Variants in IGLL5 observed in about 807,000 individuals in gnomAD.
IGLL5 encodes the protein immunoglobulin lambda-like polypeptide 5.
IGLL5 carries 30 observed loss-of-function variants against 20.9 expected under a neutral mutation model. That is an observed-to-expected ratio of 1.44 (90% CI 1.07 to 1.95). The LOEUF (loss-of-function observed/expected upper bound fraction) is 1.95, where lower values mean the gene tolerates loss of function less well. IGLL5 is among the 30% of genes most tolerant of loss of function. The pLI is 0.00. For missense variants in IGLL5, 475 were observed against 270.7 expected, an observed-to-expected ratio of 1.75 and a Z score of -5.30; for synonymous variants, 203 against 117.3, an observed-to-expected ratio of 1.73 and a Z score of -4.72.
At position 22,895,712 on chromosome 22, in the gene IGLL5, C is replaced by T. The variant is rs553574422; in HGVS notation, c.*18C>T. 11 of 1,612,166 alleles carry T rather than the reference C, an allele frequency of 6.8e-6. No homozygotes were observed. In the South Asian group the frequency reaches 7.7e-5, roughly 11 times the overall value. On this transcript the variant is annotated 3_prime_UTR_variant, in exon 3 of 3. Coordinates refer to ENST00000526893, the MANE Select transcript of IGLL5 (RefSeq NM_001178126.2). ...GTTCATAGGTTCCCAACTCTAACCCCACCCACGGGAGCCTGGAGCTGCAGG... is the reference window on the plus strand; with the variant it reads ...GTTCATAGGTTCCCAACTCTAACCCTACCCACGGGAGCCTGGAGCTGCAGG...
At position 22,888,471 on chromosome 22, in the gene IGLL5, T is replaced by C. The variant is rs190861612; in HGVS notation, c.206+212T>C. On this transcript the variant is annotated intron_variant, in intron 1 of 2. Transcript: ENST00000526893. ...ATATCATATTACGATATTATTTTTC[T>C]TGATTTCTGAGTTTTCTGGCGCCAC... is the stretch of plus-strand genomic sequence containing the variant. Among the ~76,000 whole-genome samples, 8 of 151,432 alleles carry C rather than the reference T, an allele frequency of 5.3e-5. 1 individual carries two copies. In the East Asian group the frequency reaches 6.0e-4, roughly 11 times the overall value.
chr22:22,888,627 C>G (rs552547394), intron 1 of IGLL5, among the ~76,000 whole-genome samples: 7 of 151,086 alleles, frequency 4.6e-5, no homozygotes, highest in South Asian at 2.1e-4. Context: ...CAGGCCTGTT[C>G]CTCCCCCTCC....
At chr22:22,894,086 T>G (rs184619689) in intron 2 of IGLL5, among the ~76,000 whole-genome samples, 4 of 151,398 alleles carry the variant, frequency 2.6e-5, no homozygotes, top group Middle Eastern at 3.7e-3. Context: ...CCAGGGCAGA[T>G]GTCTGAGTGA....
rs1179061877 is a variant in IGLL5 at position 22,891,375 on chromosome 22, C to A, written c.207-2325C>A. Among the ~76,000 whole-genome samples, 3 of 151,068 alleles carry A rather than the reference C, an allele frequency of 2.0e-5. No homozygotes were observed. The East Asian group carries it at 6.0e-4, about 30-fold the overall frequency. ...TACTACATTACTGATTTATTACATT[C>A]TTTCTGTGGTTCTCTTGGTTTATTG... On this transcript the variant is annotated intron_variant, in intron 1 of 2. Coordinates refer to ENST00000526893, the MANE Select transcript of IGLL5 (RefSeq NM_001178126.2).
At position 22,893,750 on chromosome 22, in the gene IGLL5, G is replaced by A. The variant is rs182236201; in HGVS notation, c.257G>A (p.Arg86Gln). Reference protein sequence around the residue: ...PQRADPRCWPRGFWSEPQSLC... With the variant: ...PQRADPRCWPQGFWSEPQSLC... Reference sequence around the variant, plus strand: ...AGAGCAGACCCCAGGTGCTGGCCCCGGGGGTTTTGGTCTGAGCCTCAGTCA... The same window carrying A: ...AGAGCAGACCCCAGGTGCTGGCCCCAGGGGTTTTGGTCTGAGCCTCAGTCA... The change falls in exon 2 of 3, where the codon CGG becomes CAG. Residue 86 changes from arginine to glutamine, a missense_variant. Arg to Gln is a conservative substitution (Grantham distance 43, BLOSUM62 1). Transcript: ENST00000526893. 285 of 1,607,046 alleles carry A rather than the reference G, an allele frequency of 1.8e-4. 1 individual carries two copies. The East Asian group carries it at 3.0e-3, about 17-fold the overall frequency.
Position 22,894,753 on chromosome 22 carries a change from G to C in IGLL5, c.326-622G>C, listed in dbSNP as rs577908137. Among the ~76,000 whole-genome samples, 11 of 151,338 alleles carry C rather than the reference G, an allele frequency of 7.3e-5. 1 individual carries two copies. The highest frequency in any genetic ancestry group is 2.0e-4 in the East Asian group (1 of 4,924). ...CTGAGGTGAAGGGTTCTGTGGTCGG[G>C]CTTGTGGAGACAGGAAACATCTCAG... On this transcript the variant is annotated intron_variant, in intron 2 of 2. Transcript: ENST00000526893.
In IGLL5 at chr22:22,888,013, G is replaced by T. The variant is rs1331166632; in HGVS notation, c.-41G>T. The T allele has an allele frequency of 2.0e-6, 3 of 1,500,304 alleles. No individual in the cohort carries two copies. The highest frequency in any genetic ancestry group is 2.0e-5 in the Admixed American group (1 of 50,752). 92.9% of individuals were successfully genotyped at this position (1,500,304 alleles called of 1,614,324 possible). On this transcript the variant is annotated 5_prime_UTR_variant, in exon 1 of 3. An upstream start codon of the reference 5' UTR is lost. Coordinates refer to ENST00000526893, the MANE Select transcript of IGLL5 (RefSeq NM_001178126.2). ...GGGCACCGTCCTCCAGGGAGCCCAT[G>T]CTGCAAGTCGGGCCAGAGGTGCCCC...
At position 22,895,900 on chromosome 22, in the gene IGLL5, T is replaced by C; in HGVS notation, c.*206T>C. ...CCTCCCCGGGGTTCTCAGTGTGGGGTACAGGGAATTCTGCACCCAGTGTGA... is the reference window on the plus strand; with the variant it reads ...CCTCCCCGGGGTTCTCAGTGTGGGGCACAGGGAATTCTGCACCCAGTGTGA... On this transcript the variant is annotated 3_prime_UTR_variant, in exon 3 of 3. Coordinates refer to ENST00000526893, the MANE Select transcript of IGLL5 (RefSeq NM_001178126.2). 1 of 627,518 alleles carries C rather than the reference T, an allele frequency of 1.6e-6. No homozygotes were observed. The highest frequency in any genetic ancestry group is 2.8e-6 in the Non-Finnish European group (1 of 353,900). 38.9% of individuals were successfully genotyped at this position (627,518 alleles called of 1,614,324 possible).
At chr22:22,895,063 A>G (rs545382206) in intron 2 of IGLL5, among the ~76,000 whole-genome samples, 1 of 151,296 alleles carries the variant, frequency 6.6e-6, no homozygotes, top group African/African-American at 2.4e-5. Flanking sequence ...CAGATTCTAA[A>G]CTCAGACTCC....
rs2066699477 is a variant in IGLL5 at position 22,894,819 on chromosome 22, C to T, written c.326-556C>T. Among the ~76,000 whole-genome samples the T allele has an allele frequency of 2.0e-5, 3 of 151,378 alleles. 1 individual carries two copies. The highest frequency in any genetic ancestry group is 7.3e-5 in the African/African-American group (3 of 41,332). On this transcript the variant is annotated intron_variant, in intron 2 of 2. Coordinates refer to ENST00000526893, the MANE Select transcript of IGLL5 (RefSeq NM_001178126.2). The stretch of plus-strand genomic sequence containing the variant: ...CTGAGGCTTGTCTAGGTGGAGCCCA[C>T]TCCTTGCCAGGAGAGCCAAGTGGGC...
At chr22:22,889,429 G>C (rs551342433) in intron 1 of IGLL5, among the ~76,000 whole-genome samples, 4 of 151,270 alleles carry the variant, frequency 2.6e-5, no homozygotes, top group South Asian at 2.1e-4. Context: ...TCCACTTCTA[G>C]GAATTTATCC....
chr22:22,894,799 G>A (rs545178766), intron 2 of IGLL5, among the ~76,000 whole-genome samples: 2 of 151,388 alleles, frequency 1.3e-5, no homozygotes, highest in African/African-American at 4.8e-5. Flanking sequence ...GAGCCCTGAG[G>A]CTTGTCTAGG....
Position 22,894,766 on chromosome 22 carries a change from GGAAACATCTCAGAGCCTC to G in IGLL5, c.326-608_326-591del, listed in dbSNP as rs2146046042. On this transcript the variant is annotated intron_variant, in intron 2 of 2. Transcript: ENST00000526893. ...TTCTGTGGTCGGGCTTGTGGAGACA[GGAAACATCTCAGAGCCTC>G]AGAGGAGCCCTGAGGCTTGTCTAGG... Among the ~76,000 whole-genome samples, 2 of 151,362 alleles carry G rather than the reference GGAAACATCTCAGAGCCTC, an allele frequency of 1.3e-5. 1 individual carries two copies. Among genetic ancestry groups the G allele is most frequent in the African/African-American group, 4.8e-5 (2 of 41,318 alleles).
At position 22,893,963 on chromosome 22, in the gene IGLL5, G is replaced by T. The variant is rs1031556745; in HGVS notation, c.325+145G>T. ...TTTCTCCATGGGGCCTGGAGGAGGTGCATTAGTCTCCGGGTAACCGGCAGG... is the reference window on the plus strand; with the variant it reads ...TTTCTCCATGGGGCCTGGAGGAGGTTCATTAGTCTCCGGGTAACCGGCAGG... On this transcript the variant is annotated intron_variant, in intron 2 of 2. Transcript: ENST00000526893. 4.5e-5 allele frequency: 31 copies of T among 692,840 alleles called. 1 individual carries two copies. The highest frequency in any genetic ancestry group is 1.5e-4 in the Admixed American group (7 of 46,256). 42.9% of individuals were successfully genotyped at this position (692,840 alleles called of 1,614,324 possible).
intron 2 of IGLL5, 33 bp downstream of exon 2, chr22:22,893,851 C>A (rs766301467): frequency 1.4e-6 from 2 of 1,388,438 alleles, no homozygotes; most frequent in African/African-American, 1.4e-5. Flanking sequence ...CAGCCTGTCT[C>A]ACCCTCTGCT....
intron 1 of IGLL5, among the ~76,000 whole-genome samples, chr22:22,889,802 G>A (rs916773785): frequency 1.3e-5 from 2 of 151,302 alleles, no homozygotes; most frequent in East Asian, 2.0e-4. Context: ...TCGCTATATT[G>A]CTCAGGCCTG....
chr22:22,889,483 T>C lies in IGLL5; in HGVS notation c.206+1224T>C, dbSNP rs545336895. Among the ~76,000 whole-genome samples the C allele has an allele frequency of 2.6e-5, 4 of 151,314 alleles. 1 individual carries two copies. The highest frequency in any genetic ancestry group is 4.0e-4 in the East Asian group (2 of 4,952). ...ATAATCAAAGCTGTAACCAAATCTT[T>C]ATAACAAGGGTGGTTAGCTCAGCAT... On this transcript the variant is annotated intron_variant, in intron 1 of 2. Coordinates refer to ENST00000526893, the MANE Select transcript of IGLL5 (RefSeq NM_001178126.2).
At chr22:22,888,953 T>G (rs1218667045) in intron 1 of IGLL5, among the ~76,000 whole-genome samples, 1 of 151,170 alleles carries the variant, frequency 6.6e-6, no homozygotes, top group East Asian at 2.0e-4. Context: ...CAGAGCAGCG[T>G]CAGAGGAGAG....
At chr22:22,888,631 C>A (rs1347967748) in intron 1 of IGLL5, among the ~76,000 whole-genome samples, 1 of 151,228 alleles carries the variant, frequency 6.6e-6, no homozygotes, top group Middle Eastern at 3.8e-3. Context: ...CCTGTTCCTC[C>A]CCCTCCTCCT....
Sources: gnomAD v4.1 joint callset for allele counts (sites outside exome capture counted in the v4.1 genomes callset) on GRCh38, gnomAD v4.1.1 for gene constraint, MANE v1.5 for transcripts, NCBI Gene and HGNC (gene_info 2026-07-23, HGNC 2026-07-21) for gene names.